Variants in TTC27 observed in about 807,000 individuals in gnomAD.
TTC27 encodes tetratricopeptide repeat protein 27.
Under a neutral mutation model 115.9 loss-of-function variants are expected in TTC27, and 79 were observed. That is an observed-to-expected ratio of 0.68 (90% CI 0.57 to 0.82). The LOEUF is 0.82. TTC27 is among the 40% of genes least tolerant of loss of function. TTC27 has a pLI of 0.00. For missense variants in TTC27, 1,054 were observed against 993.1 expected (o/e 1.06, Z -0.82); for synonymous variants, 401 against 356.0 (o/e 1.13, Z -1.42).
intron 9 of TTC27, among the ~76,000 whole-genome samples, chr2:32,698,087 G>A (rs750441874): frequency 6.6e-6 from 1 of 152,052 alleles, no homozygotes; most frequent in African/African-American, 2.4e-5. Flanking sequence ...AGCACATTAT[G>A]TTGGTACCTT....
chr2:32,747,935 A>T (rs1414691514), intron 12 of TTC27, among the ~76,000 whole-genome samples: 1 of 151,492 alleles, frequency 6.6e-6, no homozygotes, highest in Non-Finnish European at 1.5e-5. Flanking sequence ...GATTTTCTCT[A>T]TTATTTTTTG....
In TTC27 at chr2:32,704,116, T is replaced by C. The variant is rs142457439; in HGVS notation, c.1233+1196T>C. ...CATCCTACTGCCTAATACTTTCATA[T>C]TGGCCATTAAGTTTCAACATATATA... On this transcript the variant is annotated intron_variant, in intron 10 of 19. Coordinates refer to ENST00000317907, the MANE Select transcript of TTC27 (RefSeq NM_017735.5). Among the ~76,000 whole-genome samples, 1,421 of 152,312 alleles carry C rather than the reference T, an allele frequency of 9.3e-3. 11 individuals carry two copies. The highest frequency in any genetic ancestry group is 0.024 in the Middle Eastern group (7 of 294).
chr2:32,809,647 C>T (rs1671249677), intron 16 of TTC27, among the ~76,000 whole-genome samples: 1 of 152,206 alleles, frequency 6.6e-6, no homozygotes, highest in South Asian at 2.1e-4. Context: ...GTCCCACCAT[C>T]AAAGGAGTGG....
intron 9 of TTC27, among the ~76,000 whole-genome samples, chr2:32,701,959 C>T (rs1667198297): frequency 6.7e-6 from 1 of 150,324 alleles, no homozygotes; most frequent in Non-Finnish European, 1.5e-5. Flanking sequence ...TGTAGCTTGC[C>T]ATGATCATGC....
chr2:32,717,024 G>A (rs1325573807), intron 10 of TTC27, among the ~76,000 whole-genome samples: 3 of 123,694 alleles, frequency 2.4e-5, no homozygotes, highest in African/African-American at 9.6e-5. Flanking sequence ...TTTTTTTTTT[G>A]AGACAGTCTT....
chr2:32,820,287 A>C (rs1013057651), intron 19 of TTC27, among the ~76,000 whole-genome samples: 1 of 152,226 alleles, frequency 6.6e-6, no homozygotes, highest in African/African-American at 2.4e-5. Context: ...CATGATTGAA[A>C]TATGTTGCAA....
At chr2:32,742,339 C>A (rs1200942459) in intron 12 of TTC27, among the ~76,000 whole-genome samples, 2 of 152,106 alleles carry the variant, frequency 1.3e-5, no homozygotes, top group African/African-American at 4.8e-5. Flanking sequence ...ATTGGTAATG[C>A]AAATAAGAGA....
chr2:32,738,611 G>A (rs774764313), intron 12 of TTC27, among the ~76,000 whole-genome samples: 3 of 152,154 alleles, frequency 2.0e-5, no homozygotes, highest in Non-Finnish European at 4.4e-5. Context: ...TCAGCACTAC[G>A]TATGTTGTGT....
chr2:32,691,073 T>A (rs1666792823), intron 9 of TTC27, among the ~76,000 whole-genome samples: 1 of 152,164 alleles, frequency 6.6e-6, no homozygotes. Flanking sequence ...TTTAAAGGGA[T>A]CCTAGTGACC....
chr2:32,640,059 A>G (rs1354211448), intron 3 of TTC27, among the ~76,000 whole-genome samples: 15 of 152,124 alleles, frequency 9.9e-5, no homozygotes, highest in Admixed American at 9.8e-4. Flanking sequence ...GTTTGATCAG[A>G]TGGGTGGCCA....
At chr2:32,712,547 C>CT (rs537184771) in intron 10 of TTC27, among the ~76,000 whole-genome samples, 20 of 151,058 alleles carry the variant, frequency 1.3e-4, no homozygotes, top group East Asian at 7.8e-4. Flanking sequence ...GATCTAAATT[C>CT]TTTTTTTTTC....
chr2:32,730,454 T>G (rs1410812757), intron 10 of TTC27, among the ~76,000 whole-genome samples: 1 of 152,186 alleles, frequency 6.6e-6, no homozygotes, highest in Non-Finnish European at 1.5e-5. Context: ...ATGATGGAAT[T>G]ATTTCAGATT....
intron 9 of TTC27, among the ~76,000 whole-genome samples, chr2:32,686,727 G>A (rs1180773990): frequency 2.6e-5 from 4 of 152,120 alleles, no homozygotes; most frequent in Admixed American, 2.6e-4. Flanking sequence ...TGGGCAAGGT[G>A]CGAAAACAAA....
chr2:32,723,361 C>G (rs947571321), intron 10 of TTC27, among the ~76,000 whole-genome samples: 31 of 152,046 alleles, frequency 2.0e-4, no homozygotes, highest in African/African-American at 7.5e-4. Context: ...GATCTTCAGC[C>G]TAGCCCGCAG....
In TTC27 at chr2:32,812,803, G is replaced by T. The variant is rs368680840; in HGVS notation, c.2308+188G>T. The stretch of plus-strand genomic sequence containing the variant: ...CTATGTAATAGGCATTTTGAAATAA[G>T]AAGAAGAAACAGGATAGAGGCTTAT... On this transcript the variant is annotated intron_variant, in intron 18 of 19. Coordinates refer to ENST00000317907, the MANE Select transcript of TTC27 (RefSeq NM_017735.5). Among the ~76,000 whole-genome samples the T allele has an allele frequency of 1.4e-4, 21 of 152,274 alleles. No homozygotes were observed. The East Asian group carries it at 1.9e-3, about 14-fold the overall frequency.
intron 12 of TTC27, among the ~76,000 whole-genome samples, chr2:32,739,991 G>T (rs1320012846): frequency 6.6e-6 from 1 of 152,174 alleles, no homozygotes; most frequent in Non-Finnish European, 1.5e-5. Context: ...GTGTTGTAGG[G>T]TCTCAGAAAT....
At chr2:32,793,131 T>C (rs1194391814) in intron 16 of TTC27, among the ~76,000 whole-genome samples, 1 of 152,180 alleles carries the variant, frequency 6.6e-6, no homozygotes, top group East Asian at 1.9e-4. Flanking sequence ...ATGAGGGCTA[T>C]AGAGCTGTTT....
At chr2:32,762,304 TGTGTGTGTGTGTGTG>T (rs1460390139) in intron 13 of TTC27, among the ~76,000 whole-genome samples, 1 of 151,076 alleles carries the variant, frequency 6.6e-6, no homozygotes, top group Non-Finnish European at 1.5e-5. Flanking sequence ...TGTGTGTGTG[TGTGTGTGTGTGTGTG>T]TGTGTGTGTT....
chr2:32,656,077 A>C (rs1665304305), intron 5 of TTC27, among the ~76,000 whole-genome samples: 1 of 151,984 alleles, frequency 6.6e-6, no homozygotes. Context: ...GAGTTTTCTA[A>C]ATGCCAATTT....
Sources: allele counts gnomAD v4.1 joint callset (sites outside exome capture counted in the v4.1 genomes callset), GRCh38; gene constraint gnomAD v4.1.1; transcripts MANE v1.5; gene names NCBI Gene and HGNC (gene_info 2026-07-23, HGNC 2026-07-21).